RAPGEF5: variants seen among roughly 807,000 people sequenced by gnomAD.
RAPGEF5 encodes Rap guanine nucleotide exchange factor 5, also known as M-Ras-regulated GEF.
Under a neutral mutation model 125.2 loss-of-function variants are expected in RAPGEF5, and 65 were observed. That is an observed-to-expected ratio of 0.52 (90% CI 0.43 to 0.64). RAPGEF5 has a LOEUF of 0.64. Among genes scored for constraint, RAPGEF5 ranks in the 30% least tolerant of loss-of-function variants. RAPGEF5 has a pLI of 0.00. For synonymous variants in RAPGEF5, 391 were observed against 385.9 expected (o/e 1.01, Z -0.16); for missense variants, 958 against 1,048.1 (o/e 0.91, Z 1.19).
At chr7:22,235,173 A>C (rs1346901151) in intron 7 of RAPGEF5, among the ~76,000 whole-genome samples, 1 of 152,240 alleles carries the variant, frequency 6.6e-6, no homozygotes, top group Non-Finnish European at 1.5e-5. Flanking sequence ...GTACTCTGCC[A>C]AGAACTAAAG....
At chr7:22,129,261 C>A (rs10267902) in intron 24 of RAPGEF5, among the ~76,000 whole-genome samples, 4 of 152,098 alleles carry the variant, frequency 2.6e-5, no homozygotes, top group Non-Finnish European at 4.4e-5. Context: ...GTCAACCTCA[C>A]GTCTGCCCTC....
At chr7:22,127,057 G>A (rs867042259) in intron 24 of RAPGEF5, among the ~76,000 whole-genome samples, 1 of 37,718 alleles carries the variant, frequency 2.7e-5, no homozygotes, top group Admixed American at 2.3e-4. Context: ...TTTTTTTTTT[G>A]AGATGGAGTC....
intron 6 of RAPGEF5, among the ~76,000 whole-genome samples, chr7:22,272,907 C>T (rs1782468657): frequency 6.6e-6 from 1 of 152,058 alleles, no homozygotes; most frequent in African/African-American, 2.4e-5. Context: ...CAGGCGCCTG[C>T]CACCATGCCC....
intron 1 of RAPGEF5, among the ~76,000 whole-genome samples, chr7:22,340,161 G>A (rs148115953): frequency 1.5e-3 from 236 of 152,262 alleles, no homozygotes; most frequent in African/African-American, 4.6e-3. Context: ...GCAAACTGAT[G>A]GTTTGGTGCC....
At chr7:22,127,951 A>C (rs567802666) in intron 24 of RAPGEF5, among the ~76,000 whole-genome samples, 1 of 152,326 alleles carries the variant, frequency 6.6e-6, no homozygotes, top group African/African-American at 2.4e-5. Context: ...TGCATTTGTA[A>C]AGGAAATGAG....
At chr7:22,264,356 CA>C (rs1782231926) in intron 7 of RAPGEF5, among the ~76,000 whole-genome samples, 1 of 152,110 alleles carries the variant, frequency 6.6e-6, no homozygotes, top group Admixed American at 6.5e-5. Flanking sequence ...GAGAAGTTGC[CA>C]AAATTGTATT....
intron 18 of RAPGEF5, among the ~76,000 whole-genome samples, chr7:22,149,526 C>T (rs1377660455): frequency 6.6e-6 from 1 of 152,208 alleles, no homozygotes; most frequent in Non-Finnish European, 1.5e-5. Context: ...TTAGGAACCA[C>T]AGCAGCAATG....
At chr7:22,143,474 T>C (rs760796976) in intron 20 of RAPGEF5, among the ~76,000 whole-genome samples, 5 of 152,186 alleles carry the variant, frequency 3.3e-5, no homozygotes, top group Non-Finnish European at 7.4e-5. Context: ...CCCTTCAATC[T>C]GAAATTCAAG....
chr7:22,337,932 T>A (rs1784055860), intron 1 of RAPGEF5, among the ~76,000 whole-genome samples: 1 of 152,256 alleles, frequency 6.6e-6, no homozygotes, highest in African/African-American at 2.4e-5. Flanking sequence ...AGTACCTATA[T>A]GCAACCTTTG....
rs757228927 is a variant in RAPGEF5 at position 22,284,927 on chromosome 7, G to A, written c.747+6248C>T. Among the ~76,000 whole-genome samples the A allele has an allele frequency of 1.6e-4, 25 of 152,206 alleles. 1 individual carries two copies. The Middle Eastern group carries it at 0.014, about 83-fold the overall frequency. Reference sequence around the variant, plus strand: ...ATACAGATGATCCTTGACTTATGATGGGGTTACATCCCAATAAACCCATCA... The same window carrying A: ...ATACAGATGATCCTTGACTTATGATAGGGTTACATCCCAATAAACCCATCA... On this transcript the variant is annotated intron_variant, in intron 6 of 25. Coordinates refer to ENST00000665637, the MANE Select transcript of RAPGEF5 (RefSeq NM_012294.5).
chr7:22,159,531 G>T (rs894181115), intron 14 of RAPGEF5, among the ~76,000 whole-genome samples: 1 of 152,178 alleles, frequency 6.6e-6, no homozygotes, highest in Non-Finnish European at 1.5e-5. Flanking sequence ...TTATGTTTAC[G>T]AAATAGAAAC....
chr7:22,221,802 G>A (rs1785796675), intron 8 of RAPGEF5, among the ~76,000 whole-genome samples: 1 of 152,128 alleles, frequency 6.6e-6, no homozygotes, highest in Non-Finnish European at 1.5e-5. Flanking sequence ...CCAATCTCAG[G>A]TATGTCTTTA....
chr7:22,230,993 G>A lies in RAPGEF5; in HGVS notation c.797-74C>T, dbSNP rs115811429. The A allele has an allele frequency of 1.6e-3, 2,122 of 1,345,778 alleles. 22 individuals carry two copies. The African/African-American group carries it at 0.024, about 16-fold the overall frequency. 83.4% of individuals were successfully genotyped at this position (1,345,778 alleles called of 1,614,324 possible). On this transcript the variant is annotated intron_variant, in intron 7 of 25. Transcript: ENST00000665637. ...GCTTCAGATAATTTTCTTTCAGATC[G>A]CAATTTAGCGGGAAAAAATGTTAGA...
chr7:22,147,966 A>AT (rs869066351), intron 18 of RAPGEF5, among the ~76,000 whole-genome samples: 6 of 152,046 alleles, frequency 3.9e-5, no homozygotes, highest in African/African-American at 1.2e-4. Context: ...AACGTTTCCT[A>AT]TTTTTTTTAA....
rs1222328506 is a variant in RAPGEF5, at chr7:22,310,033, G to T, written c.447C>A (p.Val149=). The part of the protein sequence containing the change: ...VDWLLEHCPF[V]QCRSMAIGVW... ...CTCCTATGGCCATAGATCTGCACTGGACGAAAGGACAGTGTTCTAGAAGCC... is the reference window on the plus strand; with the variant it reads ...CTCCTATGGCCATAGATCTGCACTGTACGAAAGGACAGTGTTCTAGAAGCC... The change falls in exon 4 of 26, where the codon GTC becomes GTA. Residue 149 remains valine (V), a synonymous_variant. Transcript: ENST00000665637. 3.1e-6 allele frequency: 5 copies of T among 1,600,780 alleles called. No homozygotes were observed. Among genetic ancestry groups the T allele is most frequent in the Non-Finnish European group, 4.3e-6 (5 of 1,175,554 alleles).
chr7:22,186,848 A>C (rs1294848964), intron 11 of RAPGEF5, among the ~76,000 whole-genome samples: 2 of 152,234 alleles, frequency 1.3e-5, no homozygotes, highest in African/African-American at 4.8e-5. Flanking sequence ...CTCCTGCAAC[A>C]CTATTTCTGA....
At chr7:22,202,905 GC>G in intron 9 of RAPGEF5, 1 of 375,038 alleles carries the variant, frequency 2.7e-6, no homozygotes, top group Non-Finnish European at 5.4e-6. Flanking sequence ...CACAGAGAAA[GC>G]CCTCAGTAAA....
chr7:22,347,096 T>C (rs1280882284), intron 1 of RAPGEF5, among the ~76,000 whole-genome samples: 1 of 152,092 alleles, frequency 6.6e-6, no homozygotes, highest in Non-Finnish European at 1.5e-5. Flanking sequence ...ATTATGTATA[T>C]ACACACACAG....
chr7:22,144,902 G>T (rs1783380554), intron 20 of RAPGEF5, 142 bp downstream of exon 20: 1 of 932,756 alleles, frequency 1.1e-6, no homozygotes, highest in Non-Finnish European at 1.5e-6. Context: ...TTCAAAATTG[G>T]ACATTTTCAG....
Sources: gnomAD v4.1 joint callset for allele counts (sites outside exome capture counted in the v4.1 genomes callset) on GRCh38, gnomAD v4.1.1 for gene constraint, MANE v1.5 for transcripts, NCBI Gene and HGNC (gene_info 2026-07-23, HGNC 2026-07-21) for gene names.